The following GAS7 variants were observed in gnomAD, a reference collection of about 807,000 sequenced individuals.
GAS7 encodes the protein growth arrest-specific protein 7.
GAS7 carries 28 observed loss-of-function variants against 71.1 expected under a neutral mutation model. The observed-to-expected ratio is 0.39, with a 90% CI of 0.29 to 0.54. The LOEUF is 0.54. Among genes scored for constraint, GAS7 ranks in the 20% least tolerant of loss-of-function variants. GAS7 has a pLI of 0.62. For synonymous variants in GAS7, 258 were observed against 245.8 expected (o/e 1.05, Z -0.46); for missense variants, 436 against 627.8 (o/e 0.69, Z 3.27).
At position 9,912,307 on chromosome 17, in the gene GAS7, T is replaced by C. The variant is rs554311311; in HGVS notation, c.*4921A>G. 47 of 232,922 alleles carry C rather than the reference T, an allele frequency of 2.0e-4. No homozygotes were observed. The highest frequency in any genetic ancestry group is 9.3e-4 in the African/African-American group (42 of 45,390). The allele number at this position is 232,922 out of a possible 1,614,324, so 14.4% of individuals were successfully genotyped here. On this transcript the variant is annotated 3_prime_UTR_variant, in exon 14 of 14. Transcript: ENST00000432992. The stretch of plus-strand genomic sequence containing the variant: ...ACACAGCATGAACACGTGTACAGGG[T>C]ACATCATTGGAAATGAGAAAGGGAG...
At chr17:10,163,076 G>A (rs537456624) in intron 1 of GAS7, among the ~76,000 whole-genome samples, 2 of 152,206 alleles carry the variant, frequency 1.3e-5, no homozygotes, top group East Asian at 1.9e-4. Flanking sequence ...GGCCAGACAC[G>A]ATGGCTCAGA....
At chr17:10,017,084 T>C (rs560636912) in intron 2 of GAS7, among the ~76,000 whole-genome samples, 2 of 151,228 alleles carry the variant, frequency 1.3e-5, no homozygotes, top group South Asian at 2.1e-4. Context: ...TGAGCCATGA[T>C]TGTGCCACTG....
chr17:10,017,005 C>A (rs2072052295), intron 2 of GAS7, among the ~76,000 whole-genome samples: 1 of 149,798 alleles, frequency 6.7e-6, no homozygotes, highest in African/African-American at 2.4e-5. Context: ...ATGACACATG[C>A]CTGCAATCCC....
chr17:10,089,385 G>A (rs1251588558), intron 1 of GAS7, among the ~76,000 whole-genome samples: 4 of 152,136 alleles, frequency 2.6e-5, no homozygotes, highest in African/African-American at 7.2e-5. Flanking sequence ...AGCACCAAAG[G>A]AGAAGTGTGC....
intron 1 of GAS7, among the ~76,000 whole-genome samples, chr17:10,126,407 T>G (rs1013899340): frequency 1.4e-5 from 2 of 142,266 alleles, no homozygotes; most frequent in Admixed American, 7.1e-5. Context: ...CACACAAACG[T>G]GCAAACACGC....
chr17:10,158,880 C>A (rs1417677037), intron 1 of GAS7, among the ~76,000 whole-genome samples: 1 of 151,168 alleles, frequency 6.6e-6, no homozygotes, highest in Non-Finnish European at 1.5e-5. Flanking sequence ...CATGGTGAAA[C>A]CTCATCTCTT....
intron 2 of GAS7, among the ~76,000 whole-genome samples, chr17:9,985,384 G>A (rs991311275): frequency 2.6e-5 from 4 of 152,124 alleles, no homozygotes; most frequent in Non-Finnish European, 5.9e-5. Flanking sequence ...ACATCCCACT[G>A]GCTTCACTTC....
chr17:10,142,965 G>T (rs892883333), intron 1 of GAS7, among the ~76,000 whole-genome samples: 2 of 150,856 alleles, frequency 1.3e-5, no homozygotes, highest in African/African-American at 4.9e-5. Context: ...GAGGTCAGGA[G>T]TTCGAGACCA....
intron 1 of GAS7, among the ~76,000 whole-genome samples, chr17:10,098,224 C>G (rs12451372): frequency 0.11 from 17,062 of 152,074 alleles, 1,037 homozygotes; most frequent in East Asian, 0.24. Context: ...GAGCCGCGGG[C>G]TACAAGGGGT....
intron 3 of GAS7, among the ~76,000 whole-genome samples, chr17:9,970,687 A>C (rs146525589): frequency 6.6e-6 from 1 of 152,116 alleles, no homozygotes; most frequent in East Asian, 1.9e-4. Flanking sequence ...CTAAAATTCT[A>C]CCCTTATAAC....
At chr17:10,047,062 CCT>C (rs1175308556) in intron 1 of GAS7, among the ~76,000 whole-genome samples, 2 of 152,230 alleles carry the variant, frequency 1.3e-5, no homozygotes, top group Admixed American at 1.3e-4. Context: ...CCAGCCCTCT[CCT>C]CTCAGCACAG....
intron 1 of GAS7, among the ~76,000 whole-genome samples, chr17:10,092,621 C>G (rs2073595632): frequency 6.6e-6 from 1 of 152,198 alleles, no homozygotes; most frequent in Non-Finnish European, 1.5e-5. Context: ...ACTGCTGTAA[C>G]AATCACAAAC....
intron 2 of GAS7, among the ~76,000 whole-genome samples, chr17:9,985,208 C>A (rs992946178): frequency 2.0e-5 from 3 of 152,192 alleles, no homozygotes; most frequent in Non-Finnish European, 4.4e-5. Flanking sequence ...CGTCCACTCA[C>A]AGCTAGTGGA....
At chr17:10,045,677 ACAGAGTGAGACGCTATCTCAAAAAAAAT>A (rs2072943651) in intron 1 of GAS7, among the ~76,000 whole-genome samples, 3 of 152,342 alleles carry the variant, frequency 2.0e-5, no homozygotes, top group Admixed American at 2.0e-4. Flanking sequence ...AGCCTAGGCG[ACAGAGTGAGACGCTATCTCAAAAAAAAT>A]TCCCAAGTAT....
chr17:9,917,194 C>A lies in GAS7; in HGVS notation c.*34G>T. Reference sequence around the variant, plus strand: ...CCATGGTGGGAGCCCAGCCCCCCTCCCCAGCAGGACCCCCCGAAGCTGCAC... The same window carrying A: ...CCATGGTGGGAGCCCAGCCCCCCTCACCAGCAGGACCCCCCGAAGCTGCAC... On this transcript the variant is annotated 3_prime_UTR_variant, in exon 14 of 14. Coordinates refer to ENST00000432992, the MANE Select transcript of GAS7 (RefSeq NM_201433.2). 7.7e-7 allele frequency: 1 copy of A among 1,294,610 alleles called. No individual in the cohort carries two copies. Among genetic ancestry groups the A allele is most frequent in the Non-Finnish European group, 1.1e-6 (1 of 888,258 alleles). The allele number at this position is 1,294,610 out of a possible 1,614,324, so 80.2% of individuals were successfully genotyped here.
chr17:10,003,159 G>C (rs1281193554), intron 2 of GAS7, among the ~76,000 whole-genome samples: 1 of 152,194 alleles, frequency 6.6e-6, no homozygotes, highest in East Asian at 1.9e-4. Flanking sequence ...CTTGGATAGA[G>C]GTCCACCTAA....
chr17:10,136,929 A>G (rs1210416537), intron 1 of GAS7, among the ~76,000 whole-genome samples: 2 of 152,064 alleles, frequency 1.3e-5, no homozygotes, highest in African/African-American at 4.8e-5. Context: ...CAAGACCAGC[A>G]TGGGAAAGAT....
intron 2 of GAS7, among the ~76,000 whole-genome samples, chr17:9,988,603 C>T (rs1157313588): frequency 2.6e-5 from 4 of 152,084 alleles, no homozygotes; most frequent in African/African-American, 7.2e-5. Context: ...AGGAGAATTG[C>T]TTGAAGCCAG....
intron 1 of GAS7, among the ~76,000 whole-genome samples, chr17:10,096,684 T>G (rs910540310): frequency 1.3e-5 from 2 of 152,202 alleles, no homozygotes; most frequent in Non-Finnish European, 2.9e-5. Context: ...TTCATGGGGC[T>G]TCATCTTATG....
Sources: allele counts gnomAD v4.1 joint callset (sites outside exome capture counted in the v4.1 genomes callset), GRCh38; gene constraint gnomAD v4.1.1; transcripts MANE v1.5; gene names NCBI Gene and HGNC (gene_info 2026-07-23, HGNC 2026-07-21).